LRRTM4: variants seen among roughly 807,000 people sequenced by gnomAD.
LRRTM4 encodes the protein leucine rich repeat transmembrane neuronal 4.
In LRRTM4, 25 loss-of-function variants were observed where a neutral mutation model predicts 47.6. The observed-to-expected ratio is 0.53, with a 90% CI of 0.38 to 0.73. The LOEUF (loss-of-function observed/expected upper bound fraction) is 0.73, where lower values mean the gene tolerates loss of function less well. Ranked by LOEUF, LRRTM4 falls within the 30% of genes least tolerant of loss-of-function variation. LRRTM4 has a pLI of 0.00. For missense variants in LRRTM4, 638 were observed against 713.4 expected (o/e 0.89, Z 1.20); for synonymous variants, 311 against 269.5 (o/e 1.15, Z -1.51).
chr2:77,308,633 C>G (rs1460866503), intron 3 of LRRTM4, among the ~76,000 whole-genome samples: 1 of 151,826 alleles, frequency 6.6e-6, no homozygotes, highest in Non-Finnish European at 1.5e-5. Flanking sequence ...AAATAAATAC[C>G]ATTTTATCTC....
chr2:77,176,991 G>A (rs1359372084), intron 3 of LRRTM4, among the ~76,000 whole-genome samples: 1 of 151,968 alleles, frequency 6.6e-6, no homozygotes, highest in African/African-American at 2.4e-5. Context: ...TATCACATAT[G>A]GTCTGAAAAA....
Position 77,124,534 on chromosome 2 carries a change from T to C in LRRTM4, c.1552-375618A>G, listed in dbSNP as rs188928258. On this transcript the variant is annotated intron_variant, in intron 3 of 3. Transcript: ENST00000409884. ...GCCAATTTTTGTGCTAAATGAAAGT[T>C]TTCAACAAGGTAAGGTGGATGTCTC... Among the ~76,000 whole-genome samples the C allele has an allele frequency of 1.3e-4, 20 of 152,188 alleles. No homozygotes were observed. In the East Asian group the frequency reaches 2.7e-3, roughly 21 times the overall value.
chr2:77,174,297 C>G (rs1272055309), intron 3 of LRRTM4, among the ~76,000 whole-genome samples: 1 of 152,172 alleles, frequency 6.6e-6, no homozygotes, highest in Non-Finnish European at 1.5e-5. Context: ...TCTCCTCAGG[C>G]CTGGCAACCT....
chr2:77,378,095 G>C (rs1043669700), intron 3 of LRRTM4, among the ~76,000 whole-genome samples: 1 of 151,478 alleles, frequency 6.6e-6, no homozygotes, highest in Non-Finnish European at 1.5e-5. Context: ...TTTTAAAATT[G>C]TATCTGTAAT....
At chr2:76,769,277 G>T (rs1412779776) in intron 3 of LRRTM4, among the ~76,000 whole-genome samples, 1 of 152,034 alleles carries the variant, frequency 6.6e-6, no homozygotes, top group East Asian at 1.9e-4. Context: ...ACAGAAAAGT[G>T]ATCTCTAATG....
At chr2:77,412,733 C>T (rs915683628) in intron 3 of LRRTM4, among the ~76,000 whole-genome samples, 1 of 152,118 alleles carries the variant, frequency 6.6e-6, no homozygotes, top group East Asian at 1.9e-4. Context: ...TATTATTCCA[C>T]ACTTTACCAG....
At chr2:77,035,131 T>C (rs1196753415) in intron 3 of LRRTM4, among the ~76,000 whole-genome samples, 2 of 151,868 alleles carry the variant, frequency 1.3e-5, no homozygotes, top group African/African-American at 4.8e-5. Context: ...GTTACATATG[T>C]ATACATGTGC....
At chr2:76,752,369 C>T (rs1672879285) in intron 3 of LRRTM4, among the ~76,000 whole-genome samples, 1 of 152,122 alleles carries the variant, frequency 6.6e-6, no homozygotes, top group Non-Finnish European at 1.5e-5. Flanking sequence ...GCATTAACTG[C>T]AAAGCTTTAC....
chr2:76,900,170 A>G (rs1043743017), intron 3 of LRRTM4, among the ~76,000 whole-genome samples: 2 of 152,030 alleles, frequency 1.3e-5, no homozygotes, highest in African/African-American at 4.8e-5. Context: ...GGAAGCACAG[A>G]TTGCAGTGAG....
chr2:76,796,792 C>G (rs962670112), intron 3 of LRRTM4, among the ~76,000 whole-genome samples: 3 of 152,020 alleles, frequency 2.0e-5, no homozygotes, highest in African/African-American at 7.2e-5. Context: ...TCACCATCAA[C>G]AGAACGAATG....
chr2:77,297,407 A>G (rs1677002930), intron 3 of LRRTM4, among the ~76,000 whole-genome samples: 1 of 152,176 alleles, frequency 6.6e-6, no homozygotes. Context: ...ACTATGCTCT[A>G]TTGTGCCTCT....
intron 3 of LRRTM4, among the ~76,000 whole-genome samples, chr2:76,878,362 A>G (rs968655987): frequency 6.6e-6 from 1 of 152,136 alleles, no homozygotes; most frequent in Non-Finnish European, 1.5e-5. Flanking sequence ...TAACCCTATA[A>G]TGTCCTCTAA....
At chr2:77,083,496 C>G (rs566826571) in intron 3 of LRRTM4, among the ~76,000 whole-genome samples, 99 of 152,212 alleles carry the variant, frequency 6.5e-4, no homozygotes, top group Admixed American at 1.0e-3. Flanking sequence ...AACCAGTAAG[C>G]TGACCAAAAA....
chr2:76,755,006 AAT>A (rs1490338728), intron 3 of LRRTM4, among the ~76,000 whole-genome samples: 1 of 152,178 alleles, frequency 6.6e-6, no homozygotes, highest in Admixed American at 6.5e-5. Context: ...CACAGACTCA[AAT>A]ATATGTTTTC....
At chr2:77,443,182 C>T (rs1185418092) in intron 3 of LRRTM4, among the ~76,000 whole-genome samples, 1 of 152,082 alleles carries the variant, frequency 6.6e-6, no homozygotes, top group South Asian at 2.1e-4. Flanking sequence ...GCCATTCCAG[C>T]CGACGTTTGC....
intron 3 of LRRTM4, among the ~76,000 whole-genome samples, chr2:76,944,595 G>A (rs140372214): frequency 1.0e-3 from 159 of 152,216 alleles, no homozygotes; most frequent in African/African-American, 3.8e-3. Context: ...GAGGTATAAG[G>A]AGGTTCATCT....
chr2:77,426,742 C>G (rs750312234), intron 3 of LRRTM4, among the ~76,000 whole-genome samples: 1 of 152,034 alleles, frequency 6.6e-6, no homozygotes, highest in African/African-American at 2.4e-5. Flanking sequence ...CTCTCTGTCT[C>G]TCTCTTTTTC....
intron 3 of LRRTM4, among the ~76,000 whole-genome samples, chr2:76,900,851 G>A (rs1673600330): frequency 6.6e-6 from 1 of 152,064 alleles, no homozygotes; most frequent in Non-Finnish European, 1.5e-5. Flanking sequence ...TGAGTCCTCT[G>A]ACATTTAATT....
At chr2:77,227,218 A>T (rs1472459194) in intron 3 of LRRTM4, among the ~76,000 whole-genome samples, 4 of 152,072 alleles carry the variant, frequency 2.6e-5, no homozygotes, top group African/African-American at 9.7e-5. Flanking sequence ...CCTCTGAGAA[A>T]CAAAAGGAAA....
Sources: allele counts gnomAD v4.1 joint callset (sites outside exome capture counted in the v4.1 genomes callset), GRCh38; gene constraint gnomAD v4.1.1; transcripts MANE v1.5; gene names NCBI Gene and HGNC (gene_info 2026-07-23, HGNC 2026-07-21).